The following ADGRB3 variants were observed in gnomAD, a reference collection of about 807,000 sequenced individuals.
ADGRB3 encodes the protein brain-specific angiogenesis inhibitor 3.
ADGRB3 carries 37 observed loss-of-function variants against 193.4 expected under a neutral mutation model. The observed-to-expected ratio is 0.19, with a 90% CI of 0.15 to 0.25. ADGRB3 has a LOEUF of 0.25. Ranked by LOEUF, ADGRB3 falls within the 10% of genes least tolerant of loss-of-function variation. ADGRB3 has a pLI of 1.00. For missense variants in ADGRB3, 1,637 were observed against 1,852.9 expected (o/e 0.88, Z 2.14); for synonymous variants, 690 against 644.2 (o/e 1.07, Z -1.08).
chr6:69,058,703 G>T (rs191261833), intron 15 of ADGRB3, among the ~76,000 whole-genome samples: 7 of 151,904 alleles, frequency 4.6e-5, no homozygotes, highest in Admixed American at 3.9e-4. Context: ...TCTTTGATCC[G>T]CTGGTTGTTC....
intron 20 of ADGRB3, among the ~76,000 whole-genome samples, chr6:69,321,462 A>T (rs1263766001): frequency 6.6e-6 from 1 of 151,790 alleles, no homozygotes; most frequent in Non-Finnish European, 1.5e-5. Context: ...ACATTTGAAT[A>T]AAGAAAAACT....
At position 68,818,097 on chromosome 6, in the gene ADGRB3, A is replaced by G. The variant is rs181440566; in HGVS notation, c.758-112462A>G. ...TTTAGGTTCTTGTAGCTGGGACCAA[A>G]TCCATCTCAGTTTGCTATATTAGCT... On this transcript the variant is annotated intron_variant, in intron 3 of 31. Transcript: ENST00000370598. Among the ~76,000 whole-genome samples, 333 of 152,106 alleles carry G rather than the reference A, an allele frequency of 2.2e-3. 1 individual carries two copies. Among genetic ancestry groups the G allele is most frequent in the African/African-American group, 7.6e-3 (317 of 41,524 alleles).
At chr6:69,058,818 G>T (rs1771626331) in intron 15 of ADGRB3, among the ~76,000 whole-genome samples, 1 of 152,028 alleles carries the variant, frequency 6.6e-6, no homozygotes, top group South Asian at 2.1e-4. Context: ...TACTTGGTAA[G>T]ATTTCACTCT....
chr6:68,777,265 T>C (rs1033082678), intron 3 of ADGRB3, among the ~76,000 whole-genome samples: 1 of 152,146 alleles, frequency 6.6e-6, no homozygotes, highest in Non-Finnish European at 1.5e-5. Context: ...GTTAAATTAA[T>C]TGACCTTGGT....
chr6:69,030,567 A>G (rs1322970988), intron 13 of ADGRB3, among the ~76,000 whole-genome samples: 1 of 152,196 alleles, frequency 6.6e-6, no homozygotes, highest in Non-Finnish European at 1.5e-5. Context: ...TTGAACAATG[A>G]GAACACATGG....
chr6:68,659,423 A>G (rs1488240971), intron 3 of ADGRB3, among the ~76,000 whole-genome samples: 1 of 150,768 alleles, frequency 6.6e-6, no homozygotes. Flanking sequence ...TCTGTAAAGT[A>G]CATAAGATGA....
At chr6:68,896,789 C>T (rs1766230259) in intron 3 of ADGRB3, among the ~76,000 whole-genome samples, 1 of 152,092 alleles carries the variant, frequency 6.6e-6, no homozygotes, top group African/African-American at 2.4e-5. Context: ...GATAAAAATA[C>T]CTGTCTACTG....
At chr6:69,334,856 A>G (rs1768812553) in intron 24 of ADGRB3, among the ~76,000 whole-genome samples, 1 of 152,106 alleles carries the variant, frequency 6.6e-6, no homozygotes, top group Admixed American at 6.6e-5. Flanking sequence ...ACTTTTTGCA[A>G]CTCAGTCTCC....
In ADGRB3 at chr6:69,128,026, T is replaced by C. The variant is rs568339606; in HGVS notation, c.2480+51988T>C. The stretch of plus-strand genomic sequence containing the variant: ...GAGAAAAGAAATGAAATGTTAAGAG[T>C]CAGTATGATATGTTCACATATGGAC... On this transcript the variant is annotated intron_variant, in intron 17 of 31. Coordinates refer to ENST00000370598, the MANE Select transcript of ADGRB3 (RefSeq NM_001704.3). Among the ~76,000 whole-genome samples, 7 of 151,716 alleles carry C rather than the reference T, an allele frequency of 4.6e-5. No individual in the cohort carries two copies. The East Asian group carries it at 1.4e-3, about 29-fold the overall frequency.
chr6:69,341,915 A>G (rs948525843), intron 26 of ADGRB3, among the ~76,000 whole-genome samples: 3 of 152,182 alleles, frequency 2.0e-5, no homozygotes, highest in Admixed American at 6.6e-5. Flanking sequence ...CTGCGTCACT[A>G]TATAAGCTTC....
chr6:69,171,529 C>A (rs1436893795), intron 17 of ADGRB3, among the ~76,000 whole-genome samples: 1 of 152,116 alleles, frequency 6.6e-6, no homozygotes, highest in Non-Finnish European at 1.5e-5. Flanking sequence ...TATGAAGATG[C>A]ATATGATTTA....
At chr6:69,009,190 G>C (rs1769860263) in intron 11 of ADGRB3, among the ~76,000 whole-genome samples, 1 of 151,814 alleles carries the variant, frequency 6.6e-6, no homozygotes, top group African/African-American at 2.4e-5. Flanking sequence ...AACTAGTAGA[G>C]GAAAAAACCC....
Position 68,956,309 on chromosome 6 carries a change from G to A in ADGRB3, c.1360+121G>A, listed in dbSNP as rs1321053137. Reference sequence around the variant, plus strand: ...ATAATCATTATATATATATGTGTGTGTGTGTGTGTGTGTGTGTGTATACAT... The same window carrying A: ...ATAATCATTATATATATATGTGTGTATGTGTGTGTGTGTGTGTGTATACAT... On this transcript the variant is annotated intron_variant, in intron 7 of 31. Transcript: ENST00000370598. 2.1e-3 allele frequency: 1,894 copies of A among 909,584 alleles called. 9 individuals carry two copies. The highest frequency in any genetic ancestry group is 2.4e-3 in the Non-Finnish European group (1,547 of 634,286). 56.3% of individuals were successfully genotyped at this position (909,584 alleles called of 1,614,324 possible).
intron 17 of ADGRB3, among the ~76,000 whole-genome samples, chr6:69,218,366 G>A (rs1247485905): frequency 2.0e-5 from 3 of 152,092 alleles, no homozygotes; most frequent in Non-Finnish European, 4.4e-5. Context: ...GGCAGATTCT[G>A]TCCAGTGTGG....
intron 3 of ADGRB3, among the ~76,000 whole-genome samples, chr6:68,675,798 A>C (rs1489934835): frequency 6.6e-6 from 1 of 151,984 alleles, no homozygotes; most frequent in Non-Finnish European, 1.5e-5. Context: ...TGCTTTTCTC[A>C]TTTCTCCCTA....
intron 20 of ADGRB3, among the ~76,000 whole-genome samples, chr6:69,250,377 G>A (rs898087342): frequency 1.3e-5 from 2 of 151,854 alleles, no homozygotes; most frequent in African/African-American, 4.8e-5. Flanking sequence ...TTAGAAATTT[G>A]TTATATATTT....
intron 3 of ADGRB3, among the ~76,000 whole-genome samples, chr6:68,641,796 T>C (rs1217919459): frequency 2.0e-5 from 3 of 152,118 alleles, no homozygotes; most frequent in African/African-American, 4.8e-5. Context: ...TGTGAAAATC[T>C]ATTGACCTTT....
chr6:68,721,529 G>A (rs934521634), intron 3 of ADGRB3, among the ~76,000 whole-genome samples: 14 of 151,324 alleles, frequency 9.3e-5, no homozygotes, highest in Non-Finnish European at 1.5e-4. Flanking sequence ...TAATGTAAAT[G>A]ACGAGTTAAT....
chr6:69,373,838 G>T (rs1330643181), intron 30 of ADGRB3, among the ~76,000 whole-genome samples: 2 of 151,932 alleles, frequency 1.3e-5, no homozygotes, highest in Non-Finnish European at 2.9e-5. Flanking sequence ...TAAAAACCTA[G>T]AACTAAAATT....
Sources: gnomAD v4.1 joint callset for allele counts (sites outside exome capture counted in the v4.1 genomes callset) on GRCh38, gnomAD v4.1.1 for gene constraint, MANE v1.5 for transcripts, NCBI Gene and HGNC (gene_info 2026-07-23, HGNC 2026-07-21) for gene names.